The following DENND1A variants were observed in gnomAD, a reference collection of about 807,000 sequenced individuals.
DENND1A encodes DENN domain containing 1A.
In DENND1A, 51 loss-of-function variants were observed where a neutral mutation model predicts 113.7. That is an observed-to-expected ratio of 0.45 (90% CI 0.36 to 0.57). The LOEUF is 0.57. Among genes scored for constraint, DENND1A ranks in the 20% least tolerant of loss-of-function variants. The pLI, the probability that DENND1A is intolerant of heterozygous loss-of-function variation, is 0.00. For missense variants in DENND1A, 1,258 were observed against 1,395.9 expected, an observed-to-expected ratio of 0.90 and a Z score of 1.57; for synonymous variants, 565 against 570.8, an observed-to-expected ratio of 0.99 and a Z score of 0.14.
Position 123,609,456 on chromosome 9 carries a change from T to C in DENND1A, c.745A>G (p.Ile249Val). The change falls in exon 11 of 24, where the codon ATC (isoleucine) becomes GTC (valine). Residue 249 changes from isoleucine (I) to valine (V), a missense_variant. Coordinates refer to ENST00000394215, the MANE Select transcript of DENND1A (RefSeq NM_001352964.2). ...CTTACCTCCATTAAACTTAAATGGA[T>C]TCCTATGAGGTAGGGCATGGGAGCA... ...CCAPMPYLIGIHLSLMEKVRN... is the reference protein window; with the variant it reads ...CCAPMPYLIGVHLSLMEKVRN... 6.2e-7 allele frequency: 1 copy of C among 1,613,702 alleles called. No homozygotes were observed. The highest frequency in any genetic ancestry group is 8.5e-7 in the Non-Finnish European group (1 of 1,179,832).
intron 20 of DENND1A, among the ~76,000 whole-genome samples, chr9:123,408,127 C>A (rs59660530): frequency 2.6e-5 from 4 of 152,202 alleles, no homozygotes; most frequent in African/African-American, 9.7e-5. Context: ...CCTGGGCCAA[C>A]GGCTGCACTT....
chr9:123,904,874 T>C (rs1463254917), intron 1 of DENND1A, among the ~76,000 whole-genome samples: 1 of 152,076 alleles, frequency 6.6e-6, no homozygotes, highest in Non-Finnish European at 1.5e-5. Flanking sequence ...CAGATACTCC[T>C]TGAGAAGAGC....
intron 13 of DENND1A, among the ~76,000 whole-genome samples, chr9:123,507,614 C>T (rs1170266456): frequency 1.3e-5 from 2 of 151,420 alleles, no homozygotes; most frequent in African/African-American, 2.4e-5. Flanking sequence ...TTTGGGAGGC[C>T]GAGGGGGGCA....
At chr9:123,659,101 T>C (rs978427164) in intron 8 of DENND1A, among the ~76,000 whole-genome samples, 2 of 152,204 alleles carry the variant, frequency 1.3e-5, no homozygotes, top group Admixed American at 1.3e-4. Flanking sequence ...CCCGATCTGA[T>C]CCACAGTGGA....
chr9:123,633,263 G>A (rs1453038544), intron 9 of DENND1A, among the ~76,000 whole-genome samples: 2 of 152,088 alleles, frequency 1.3e-5, no homozygotes, highest in African/African-American at 4.8e-5. Flanking sequence ...TTTCCTGACT[G>A]TAAAGTACAG....
In DENND1A at chr9:123,833,951, G is replaced by A. The variant is rs527738976; in HGVS notation, c.89-41321C>T. ...CATGCTTGTAGTCCCAGCTACTCGG[G>A]AGGCTGAGGCAGGAGAATTGCTTGA... On this transcript the variant is annotated intron_variant, in intron 2 of 23. Transcript: ENST00000394215. Among the ~76,000 whole-genome samples, 4 of 152,270 alleles carry A rather than the reference G, an allele frequency of 2.6e-5. No individual in the cohort carries two copies. The South Asian group carries it at 8.3e-4, about 32-fold the overall frequency.
At chr9:123,717,656 C>G (rs991823180) in intron 5 of DENND1A, among the ~76,000 whole-genome samples, 1 of 152,166 alleles carries the variant, frequency 6.6e-6, no homozygotes, top group Non-Finnish European at 1.5e-5. Flanking sequence ...AATTCCTAAG[C>G]CCTATTTTAA....
chr9:123,564,361 G>T (rs370549822), intron 12 of DENND1A, among the ~76,000 whole-genome samples: 4 of 152,346 alleles, frequency 2.6e-5, no homozygotes, highest in African/African-American at 9.6e-5. Context: ...GGCACCTTAA[G>T]ATTTCTCAGC....
intron 17 of DENND1A, among the ~76,000 whole-genome samples, chr9:123,451,206 A>T (rs2047697701): frequency 6.6e-6 from 1 of 152,172 alleles, no homozygotes; most frequent in Non-Finnish European, 1.5e-5. Context: ...CCATTTCCTA[A>T]ATCTCATTTT....
intron 2 of DENND1A, among the ~76,000 whole-genome samples, chr9:123,809,775 A>G (rs992410740): frequency 6.6e-6 from 1 of 152,118 alleles, no homozygotes; most frequent in Non-Finnish European, 1.5e-5. Flanking sequence ...AGTTCCAGCA[A>G]TTCTCGCGCC....
chr9:123,663,013 A>G (rs549576207), intron 8 of DENND1A, among the ~76,000 whole-genome samples: 2 of 152,350 alleles, frequency 1.3e-5, no homozygotes, highest in African/African-American at 4.8e-5. Flanking sequence ...ACAGAGGGAA[A>G]CACAGCTGCT....
chr9:123,429,880 C>G (rs994421493), intron 19 of DENND1A, among the ~76,000 whole-genome samples: 1 of 151,992 alleles, frequency 6.6e-6, no homozygotes, highest in African/African-American at 2.4e-5. Context: ...TTCTGCACAG[C>G]AAAATAAATT....
At chr9:123,836,380 A>C (rs959936004) in intron 2 of DENND1A, among the ~76,000 whole-genome samples, 1 of 152,158 alleles carries the variant, frequency 6.6e-6, no homozygotes, top group African/African-American at 2.4e-5. Flanking sequence ...AGCTCACACA[A>C]ATTTCTTGAC....
chr9:123,676,833 CA>C, intron 5 of DENND1A, 44 bp from the exon 6 acceptor site: 1 of 1,576,976 alleles, frequency 6.3e-7, no homozygotes. Flanking sequence ...GTATGCAGGT[CA>C]AAAACTTTAA....
chr9:123,650,906 C>CAAAAAAA (rs76905879), intron 9 of DENND1A, among the ~76,000 whole-genome samples: 2 of 35,658 alleles, frequency 5.6e-5, no homozygotes, highest in Non-Finnish European at 7.1e-5. Context: ...GACTCTGTCT[C>CAAAAAAA]AAAAAAAAAA....
chr9:123,894,545 A>T (rs995116018), intron 1 of DENND1A, among the ~76,000 whole-genome samples: 16 of 152,236 alleles, frequency 1.1e-4, no homozygotes, highest in Admixed American at 9.2e-4. Context: ...TGAAGACATC[A>T]TTCTGAGCTA....
intron 21 of DENND1A, among the ~76,000 whole-genome samples, chr9:123,391,760 T>TG (rs199525059): frequency 7.1e-3 from 86 of 12,128 alleles, no homozygotes; most frequent in African/African-American, 0.015. Context: ...AGGCAGAATA[T>TG]GAAAAAAAAA....
chr9:123,637,407 G>A (rs754382339), intron 9 of DENND1A, among the ~76,000 whole-genome samples: 7 of 152,102 alleles, frequency 4.6e-5, no homozygotes, highest in African/African-American at 1.4e-4. Flanking sequence ...AACCATCTTC[G>A]TAGTATCATG....
chr9:123,479,588 C>T (rs1157344493), intron 13 of DENND1A, among the ~76,000 whole-genome samples: 1 of 152,212 alleles, frequency 6.6e-6, no homozygotes, highest in African/African-American at 2.4e-5. Flanking sequence ...CCCTCTGCTC[C>T]CCTCTGTCCC....
Sources: allele counts gnomAD v4.1 joint callset (sites outside exome capture counted in the v4.1 genomes callset), GRCh38; gene constraint gnomAD v4.1.1; transcripts MANE v1.5; gene names NCBI Gene and HGNC (gene_info 2026-07-23, HGNC 2026-07-21).